The following HYCC1 variants were observed in gnomAD, a reference collection of about 807,000 sequenced individuals.
The protein encoded by HYCC1 is hyccin PI4KA lipid kinase complex subunit 1.
At chr7:22,992,661 ACT>A in the HYCC1 span, among the ~76,000 whole-genome samples, 3 of 152,214 alleles carry the variant, frequency 2.0e-5, no homozygotes, top group South Asian at 6.2e-4. Context: ...GCCTGTATCT[ACT>A]TTTTTTATGT....
chr7:22,987,694 A>C, the HYCC1 span, among the ~76,000 whole-genome samples: 399 of 152,302 alleles, frequency 2.6e-3, 1 homozygote, highest in South Asian at 4.8e-3. Context: ...ACTGTGCAAC[A>C]GTGTAGAGCT....
At chr7:22,990,946 T>G in the HYCC1 span, 78 of 713,356 alleles carry the variant, frequency 1.1e-4, no homozygotes, top group Admixed American at 1.2e-3. Context: ...TGATAGAAAA[T>G]ACTTCCACAG....
At chr7:22,957,981 T>TA in the HYCC1 span, among the ~76,000 whole-genome samples, 1 of 151,478 alleles carries the variant, frequency 6.6e-6, no homozygotes, top group Non-Finnish European at 1.5e-5. Context: ...ACAATTAAAT[T>TA]AAAAAATCTA....
At chr7:22,964,537 A>G in the HYCC1 span, 1 of 1,499,860 alleles carries the variant, frequency 6.7e-7, no homozygotes, top group Non-Finnish European at 9.3e-7. Flanking sequence ...AGATTCTAGA[A>G]AAACCAAAAT....
At chr7:22,988,291 CTT>C in the HYCC1 span, among the ~76,000 whole-genome samples, 13 of 152,172 alleles carry the variant, frequency 8.5e-5, no homozygotes, top group African/African-American at 3.1e-4. Flanking sequence ...TAAAGTTAAT[CTT>C]GGGGTTGGGC....
At chr7:22,990,939 T>C in the HYCC1 span, 4 of 690,280 alleles carry the variant, frequency 5.8e-6, no homozygotes, top group Non-Finnish European at 1.0e-5. Context: ...TGAGATTTGA[T>C]AGAAAATACT....
chr7:22,903,875 G>C, the HYCC1 span, among the ~76,000 whole-genome samples: 1 of 152,146 alleles, frequency 6.6e-6, no homozygotes, highest in African/African-American at 2.4e-5. Context: ...CTGGATAAAG[G>C]AATAAGCACT....
chr7:22,976,199 TTTTAC>T, the HYCC1 span: 1 of 1,547,910 alleles, frequency 6.5e-7, no homozygotes, highest in East Asian at 2.2e-5. Flanking sequence ...AGCACTTGAA[TTTTAC>T]TTTACCTTGA....
the HYCC1 span, among the ~76,000 whole-genome samples, chr7:22,973,711 C>T: frequency 6.6e-6 from 1 of 152,044 alleles, no homozygotes; most frequent in African/African-American, 2.4e-5. Flanking sequence ...TAATCTGTTT[C>T]TCTTTGTTTT....
At chr7:22,922,119 T>C in the HYCC1 span, among the ~76,000 whole-genome samples, 38 of 83,444 alleles carry the variant, frequency 4.6e-4, no homozygotes, top group South Asian at 1.3e-3. Context: ...AACGGCATAA[T>C]CTAACTTTAT....
the HYCC1 span, among the ~76,000 whole-genome samples, chr7:23,009,858 G>A: frequency 6.6e-6 from 1 of 152,140 alleles, no homozygotes; most frequent in Non-Finnish European, 1.5e-5. Context: ...CTTTAAATAG[G>A]AGATTTTCAA....
At chr7:22,956,170 A>G in the HYCC1 span, among the ~76,000 whole-genome samples, 6 of 151,810 alleles carry the variant, frequency 4.0e-5, no homozygotes, top group African/African-American at 1.4e-4. Flanking sequence ...ACTTCTAGAC[A>G]GCCCTCAATT....
chr7:22,901,009 C>T, the HYCC1 span, among the ~76,000 whole-genome samples: 5 of 151,828 alleles, frequency 3.3e-5, no homozygotes, highest in Non-Finnish European at 4.4e-5. Flanking sequence ...TCCTTGAGCC[C>T]AGGAGTTTGA....
At chr7:22,997,795 C>T in the HYCC1 span, among the ~76,000 whole-genome samples, 1 of 152,102 alleles carries the variant, frequency 6.6e-6, no homozygotes, top group Non-Finnish European at 1.5e-5. Flanking sequence ...AGGCCTATTA[C>T]TTAGGCCTAT....
chr7:22,898,633 C>T, the HYCC1 span, among the ~76,000 whole-genome samples: 1 of 142,832 alleles, frequency 7.0e-6, no homozygotes, highest in Admixed American at 7.3e-5. Context: ...GACAGAGCCT[C>T]GTTCTGTCGC....
At chr7:22,983,677 C>A in the HYCC1 span, 1 of 410,238 alleles carries the variant, frequency 2.4e-6, no homozygotes, top group South Asian at 2.9e-5. Flanking sequence ...CAAATACTTG[C>A]TGAATGAATA....
the HYCC1 span, among the ~76,000 whole-genome samples, chr7:22,897,190 C>T: frequency 3.3e-4 from 50 of 152,190 alleles, no homozygotes; most frequent in African/African-American, 1.1e-3. Context: ...GTTCCAAGAA[C>T]GACAAGCTGG....
At chr7:22,981,935 T>G in the HYCC1 span, among the ~76,000 whole-genome samples, 1 of 152,182 alleles carries the variant, frequency 6.6e-6, no homozygotes, top group Non-Finnish European at 1.5e-5. Flanking sequence ...TCTGAACCAT[T>G]AGAGCTATAT....
the HYCC1 span, chr7:22,964,374 A>C: frequency 8.8e-7 from 1 of 1,136,772 alleles, no homozygotes; most frequent in Non-Finnish European, 1.3e-6. Context: ...TAATTTTCCA[A>C]AGAAATTAAA....
Sources: gnomAD v4.1 joint callset for allele counts (sites outside exome capture counted in the v4.1 genomes callset) on GRCh38, gnomAD v4.1.1 for gene constraint, MANE v1.5 for transcripts, NCBI Gene and HGNC (gene_info 2026-07-23, HGNC 2026-07-21) for gene names.